CYREN: variants seen among roughly 807,000 people sequenced by gnomAD.
The protein encoded by CYREN is cell cycle regulator of non-homologous end joining.
A neutral mutation model predicts 9.7 loss-of-function variants in CYREN; 7 were observed. The ratio of observed to expected loss-of-function variants is 0.72; its 90% CI spans 0.41 to 1.36. The LOEUF is 1.36. Ranked by LOEUF, CYREN falls within the 40% of genes most tolerant of loss-of-function variation. CYREN has a pLI of 0.01. For synonymous variants in CYREN, 76 were observed against 77.9 expected (o/e 0.98, Z 0.13); for missense variants, 215 against 198.1 (o/e 1.09, Z -0.51).
At chr7:135,096,659 A>T (rs931119829) in intron 2 of CYREN, among the ~76,000 whole-genome samples, 2 of 140,556 alleles carry the variant, frequency 1.4e-5, no homozygotes, top group Non-Finnish European at 3.2e-5. Flanking sequence ...AAGAACTTAT[A>T]CAACTAGGAA....
At chr7:135,154,716 T>C (rs998655912) in intron 2 of CYREN, among the ~76,000 whole-genome samples, 1 of 152,228 alleles carries the variant, frequency 6.6e-6, no homozygotes, top group African/African-American at 2.4e-5. Context: ...AGAAGATACT[T>C]GATATAATTT....
In CYREN at chr7:135,151,636, A is replaced by G. The variant is rs1227625519; in HGVS notation, n.356+17113T>C. Reference sequence around the variant, plus strand: ...TCAGCATCATGACCAGAGCAGACACATTGACCCAGTTTGTGTCAGGCCCCA... The same window carrying G: ...TCAGCATCATGACCAGAGCAGACACGTTGACCCAGTTTGTGTCAGGCCCCA... On this transcript the variant is annotated intron_variant and non_coding_transcript_variant, in intron 2 of 2. Coordinates refer to the CYREN transcript ENST00000459937. The surrounding 1 kb of genome is among the most constrained non-coding windows in gnomAD (Gnocchi z 4.3). 6.6e-6 allele frequency among the ~76,000 whole-genome samples: 1 copy of G among 152,208 alleles called. No homozygotes were observed. The highest frequency in any genetic ancestry group is 2.4e-5 in the African/African-American group (1 of 41,442).
exon 3 of CYREN, chr7:135,094,153 T>C (rs1302218454): frequency 6.2e-6 from 2 of 323,560 alleles, no homozygotes; most frequent in East Asian, 1.7e-4. Context: ...GAAGAAAATA[T>C]AGACTTACTA....
In CYREN at chr7:135,167,183, C is replaced by G. The variant is rs1163094980; in HGVS notation, c.214-312G>C. The G allele has an allele frequency of 5.1e-6, 5 of 985,294 alleles. No homozygotes were observed. The African/African-American group carries it at 8.7e-5, about 17-fold the overall frequency. The allele number at this position is 985,294 out of a possible 1,614,324, so 61.0% of individuals were successfully genotyped here. On this transcript the variant is annotated intron_variant, in intron 3 of 3. Transcript: ENST00000393114. ...AAGGCCGGTGACAGAACCCAGGATACAAAACCTGGGTGTGGGCCCATGCCT... is the reference window on the plus strand; with the variant it reads ...AAGGCCGGTGACAGAACCCAGGATAGAAAACCTGGGTGTGGGCCCATGCCT...
chr7:135,122,703 T>C (rs900290900), intron 2 of CYREN, among the ~76,000 whole-genome samples: 1 of 152,056 alleles, frequency 6.6e-6, no homozygotes, highest in African/African-American at 2.4e-5. Context: ...TTTGCTATTC[T>C]CCAGCCTCCT....
chr7:135,152,291 A>G (rs898837884), intron 2 of CYREN, among the ~76,000 whole-genome samples: 1 of 152,176 alleles, frequency 6.6e-6, no homozygotes, highest in Admixed American at 6.5e-5. Flanking sequence ...TGTCTTCACT[A>G]CGTCAAATGG....
chr7:135,130,209 C>A (rs1399418646), intron 2 of CYREN, among the ~76,000 whole-genome samples: 2 of 152,224 alleles, frequency 1.3e-5, no homozygotes, highest in Non-Finnish European at 2.9e-5. Context: ...CAAGTCAGTT[C>A]TCTCTGGAGG....
chr7:135,096,738 A>ACAAT (rs1228265089), intron 2 of CYREN, among the ~76,000 whole-genome samples: 2 of 120,086 alleles, frequency 1.7e-5, no homozygotes, highest in Non-Finnish European at 3.5e-5. Flanking sequence ...AGAAAGAGAA[A>ACAAT]GAATGAAAGA....
intron 2 of CYREN, chr7:135,128,829 G>A: frequency 8.6e-7 from 1 of 1,157,988 alleles, no homozygotes; most frequent in Non-Finnish European, 1.3e-6. Flanking sequence ...AGACAGCTGT[G>A]TGCAGGATGT....
intron 2 of CYREN, among the ~76,000 whole-genome samples, chr7:135,107,797 T>C (rs1824970452): frequency 6.6e-6 from 1 of 151,866 alleles, no homozygotes; most frequent in African/African-American, 2.4e-5. Context: ...GGTGATCTAA[T>C]ACTGTTAGTG....
intron 2 of CYREN, among the ~76,000 whole-genome samples, chr7:135,109,631 A>C (rs1825317909): frequency 6.6e-6 from 1 of 152,224 alleles, no homozygotes; most frequent in Non-Finnish European, 1.5e-5. Context: ...GCTCTGTCCC[A>C]GGGAAGTTTG....
chr7:135,148,667 C>T (rs1455701353), intron 2 of CYREN, among the ~76,000 whole-genome samples: 10 of 152,212 alleles, frequency 6.6e-5, no homozygotes, highest in Non-Finnish European at 1.5e-4. Context: ...CACCGACCAA[C>T]ACTAACTAAA....
chr7:135,133,838 G>A (rs1446906341), intron 2 of CYREN, among the ~76,000 whole-genome samples: 1 of 151,972 alleles, frequency 6.6e-6, no homozygotes, highest in Non-Finnish European at 1.5e-5. Flanking sequence ...TCATTGAATG[G>A]ATGAATTATT....
At position 135,135,146 on chromosome 7, in the gene CYREN, C is replaced by A. The variant is rs1327312316; in HGVS notation, n.356+33603G>T. 1.3e-6 allele frequency: 2 copies of A among 1,551,086 alleles called. 1 individual carries two copies. The highest frequency in any genetic ancestry group is 2.4e-5 in the South Asian group (2 of 84,048). The stretch of plus-strand genomic sequence containing the variant: ...TATAAGAGTCTTCAAGCTGAAGAAA[C>A]TAACCAGCAAAGCTCTAAGCATACA... On this transcript the variant is annotated intron_variant and non_coding_transcript_variant, in intron 2 of 2. Transcript: ENST00000459937.
At chr7:135,117,724 T>C (rs1826528083) in intron 2 of CYREN, among the ~76,000 whole-genome samples, 1 of 152,260 alleles carries the variant, frequency 6.6e-6, no homozygotes, top group Non-Finnish European at 1.5e-5. Context: ...GCTGCTTTCC[T>C]ACTTTTTAAT....
At chr7:135,121,610 G>A (rs370149123) in intron 2 of CYREN, among the ~76,000 whole-genome samples, 5 of 151,424 alleles carry the variant, frequency 3.3e-5, no homozygotes, top group Non-Finnish European at 5.9e-5. Flanking sequence ...TGAATAAATC[G>A]TGAGTCAAAA....
intron 2 of CYREN, among the ~76,000 whole-genome samples, chr7:135,114,077 C>T (rs898165910): frequency 6.6e-6 from 1 of 151,326 alleles, no homozygotes. Flanking sequence ...TATGAATATA[C>T]CTCATTTTGT....
chr7:135,165,018 G>C, downstream of CYREN: 1 of 1,556,608 alleles, frequency 6.4e-7, no homozygotes, highest in South Asian at 1.2e-5. Flanking sequence ...GTGATTGCAA[G>C]GGTTCAGTTC....
chr7:135,164,321 T>C (rs1830025383), downstream of CYREN: 1 of 1,032,020 alleles, frequency 9.7e-7, no homozygotes, highest in Non-Finnish European at 1.4e-6. Context: ...AAACTTGCCA[T>C]GAGTTTGTAA....
Sources: allele counts gnomAD v4.1 joint callset (sites outside exome capture counted in the v4.1 genomes callset), GRCh38; gene constraint gnomAD v4.1.1; non-coding constraint Gnocchi (gnomAD v3.1); transcripts MANE v1.5; gene names NCBI Gene and HGNC (gene_info 2026-07-23, HGNC 2026-07-21).